Variants in TRANK1 observed in about 807,000 individuals in gnomAD.
The protein encoded by TRANK1 is tetratricopeptide repeat and ankyrin repeat containing 1, also known as TPR and ankyrin repeat-containing protein 1.
Under a neutral mutation model 266.0 loss-of-function variants are expected in TRANK1, and 198 were observed. The ratio of observed to expected loss-of-function variants is 0.74; its 90% CI spans 0.66 to 0.84. The LOEUF (loss-of-function observed/expected upper bound fraction) is 0.84. TRANK1 is among the 40% of genes least tolerant of loss of function. The pLI, the probability that TRANK1 is intolerant of heterozygous loss-of-function variation, is 0.00. For synonymous variants in TRANK1, 1,396 were observed against 1,384.1 expected, an observed-to-expected ratio of 1.01 and a Z score of -0.19; for missense variants, 3,326 against 3,634.6, an observed-to-expected ratio of 0.92 and a Z score of 2.18.
At chr3:36,852,080 C>T (rs2078991763) in intron 14 of TRANK1, 66 bp downstream of exon 14, 2 of 1,481,216 alleles carry the variant, frequency 1.4e-6, no homozygotes, top group Admixed American at 5.1e-5. Flanking sequence ...TATAATTTAG[C>T]TTCTCAAACT....
At chr3:36,906,152 T>C (rs1575296606) in intron 2 of TRANK1, among the ~76,000 whole-genome samples, 1 of 152,222 alleles carries the variant, frequency 6.6e-6, no homozygotes, top group Admixed American at 6.5e-5. Context: ...AATTCTGATA[T>C]GTACCAGGAC....
At chr3:36,922,554 G>A (rs556350484) in intron 1 of TRANK1, among the ~76,000 whole-genome samples, 3 of 151,326 alleles carry the variant, frequency 2.0e-5, no homozygotes, top group South Asian at 2.1e-4. Flanking sequence ...GCAGTGAGCC[G>A]AGATCATGCC....
intron 1 of TRANK1, among the ~76,000 whole-genome samples, chr3:36,918,499 GAAAGAAAGAAAGAAAGAAAGAAA>G (rs2080159145): frequency 1.0e-4 from 3 of 28,572 alleles, no homozygotes; most frequent in South Asian, 1.1e-3. Context: ...AAGAAAGAAA[GAAAGAAAGAAAGAAAGAAAGAAA>G]GAAAGAAAGA....
chr3:36,874,828 G>T (rs189007635), intron 8 of TRANK1, among the ~76,000 whole-genome samples: 1 of 151,914 alleles, frequency 6.6e-6, no homozygotes, highest in East Asian at 1.9e-4. Flanking sequence ...AAGCATCAAC[G>T]TATGTCTGTG....
chr3:36,858,237 G>T (rs542206825), intron 12 of TRANK1, among the ~76,000 whole-genome samples, 188 bp from the exon 13 acceptor site: 1 of 152,152 alleles, frequency 6.6e-6, no homozygotes, highest in Non-Finnish European at 1.5e-5. Flanking sequence ...GGGACATTTG[G>T]CAATGTATAG....
chr3:36,847,798 C>T (rs1019016711), intron 15 of TRANK1, among the ~76,000 whole-genome samples: 1 of 152,172 alleles, frequency 6.6e-6, no homozygotes, highest in Non-Finnish European at 1.5e-5. Context: ...CTATGGTGTG[C>T]AAGGTAGACT....
At chr3:36,864,191 G>A in intron 10 of TRANK1, 128 bp downstream of exon 10, 2 of 1,083,524 alleles carry the variant, frequency 1.8e-6, no homozygotes, top group Non-Finnish European at 2.5e-6. Context: ...GCTCTGTGCT[G>A]TCTGAATGTT....
chr3:36,914,932 C>T (rs185294888), intron 1 of TRANK1, among the ~76,000 whole-genome samples: 2 of 151,616 alleles, frequency 1.3e-5, no homozygotes, highest in Non-Finnish European at 2.9e-5. Context: ...GCCACCACAC[C>T]AGGCCTATTT....
At chr3:36,888,494 T>G (rs1213450221) in intron 8 of TRANK1, among the ~76,000 whole-genome samples, 1 of 152,216 alleles carries the variant, frequency 6.6e-6, no homozygotes, top group Non-Finnish European at 1.5e-5. Context: ...GAATAATATT[T>G]CAATAAAGCT....
At chr3:36,900,445 T>C (rs2079858205) in intron 3 of TRANK1, among the ~76,000 whole-genome samples, 2 of 152,124 alleles carry the variant, frequency 1.3e-5, no homozygotes, top group Non-Finnish European at 2.9e-5. Context: ...AAAATTACAA[T>C]GATCAATAGA....
At chr3:36,879,853 TATACAAATATATGTAAAC>T (rs1559449050) in intron 8 of TRANK1, among the ~76,000 whole-genome samples, 1 of 86,798 alleles carries the variant, frequency 1.2e-5, no homozygotes, top group African/African-American at 5.6e-5. Flanking sequence ...TATATGTAAA[TATACAAATATATGTAAAC>T]ATACAAATAT....
chr3:36,842,003 C>T (rs1240773713), intron 18 of TRANK1, among the ~76,000 whole-genome samples: 4 of 152,182 alleles, frequency 2.6e-5, no homozygotes, highest in African/African-American at 9.7e-5. Context: ...TGGTGCCCCA[C>T]CCAAAACCCT....
intron 18 of TRANK1, among the ~76,000 whole-genome samples, chr3:36,841,342 T>C (rs1247400058): frequency 6.6e-6 from 1 of 152,228 alleles, no homozygotes; most frequent in Non-Finnish European, 1.5e-5. Flanking sequence ...GATGGTGATC[T>C]TTCCAAAACC....
intron 1 of TRANK1, among the ~76,000 whole-genome samples, chr3:36,939,645 G>T (rs889447259): frequency 6.6e-6 from 1 of 152,112 alleles, no homozygotes; most frequent in African/African-American, 2.4e-5. Flanking sequence ...AATATTGATT[G>T]GTGCCTACTG....
chr3:36,877,890 G>T (rs951015319), intron 8 of TRANK1, among the ~76,000 whole-genome samples: 1 of 152,168 alleles, frequency 6.6e-6, no homozygotes, highest in Non-Finnish European at 1.5e-5. Flanking sequence ...TATACAGTTG[G>T]ATAACATTCT....
At chr3:36,923,437 G>A (rs1001317408) in intron 1 of TRANK1, among the ~76,000 whole-genome samples, 1 of 151,930 alleles carries the variant, frequency 6.6e-6, no homozygotes, top group Non-Finnish European at 1.5e-5. Context: ...TGTATTTTTA[G>A]TATAGACGGG....
intron 8 of TRANK1, 78 bp from the exon 9 acceptor site, chr3:36,874,374 A>C (rs2079355575): frequency 6.8e-7 from 1 of 1,461,466 alleles, no homozygotes. Flanking sequence ...TCTTCTTCTC[A>C]GTCTCCTCCC....
intron 11 of TRANK1, 79 bp from the exon 12 acceptor site, chr3:36,858,973 A>T (rs970059345): frequency 1.4e-6 from 2 of 1,400,794 alleles, no homozygotes; most frequent in African/African-American, 2.9e-5. Context: ...TGCTTCAGTT[A>T]TTCAGTTGCA....
intron 8 of TRANK1, among the ~76,000 whole-genome samples, chr3:36,886,432 C>G (rs2079607186): frequency 6.6e-6 from 1 of 151,884 alleles, no homozygotes; most frequent in African/African-American, 2.4e-5. Context: ...TACGTTTTAT[C>G]CTCCCAACTT....
Sources: gnomAD v4.1 joint callset for allele counts (sites outside exome capture counted in the v4.1 genomes callset) on GRCh38, gnomAD v4.1.1 for gene constraint, MANE v1.5 for transcripts, NCBI Gene and HGNC (gene_info 2026-07-23, HGNC 2026-07-21) for gene names.